DYNC2LI1: variants seen among roughly 807,000 people sequenced by gnomAD.
The protein encoded by DYNC2LI1 is cytoplasmic dynein 2 light intermediate chain 1.
In DYNC2LI1, 45 loss-of-function variants were observed where a neutral mutation model predicts 51.9. That is an observed-to-expected ratio of 0.87 (90% CI 0.68 to 1.11). DYNC2LI1 has a LOEUF of 1.11. Among genes scored for constraint, DYNC2LI1 ranks in the 50% most tolerant of loss-of-function variants. The pLI, the probability that DYNC2LI1 is intolerant of heterozygous loss-of-function variation, is 0.00. For synonymous variants in DYNC2LI1, 130 were observed against 137.8 expected (o/e 0.94, Z 0.40); for missense variants, 490 against 417.4 (o/e 1.17, Z -1.51).
intron 10 of DYNC2LI1, among the ~76,000 whole-genome samples, chr2:43,801,934 C>G (rs1204523920): frequency 1.3e-5 from 2 of 152,082 alleles, no homozygotes; most frequent in African/African-American, 4.8e-5. Flanking sequence ...TTTTTCATTT[C>G]TGATCTCTAT....
In DYNC2LI1 at chr2:43,783,503, T is replaced by C; in HGVS notation, c.127-17T>C. 6.5e-7 allele frequency: 1 copy of C among 1,528,854 alleles called. No individual in the cohort carries two copies. The highest frequency in any genetic ancestry group is 8.8e-7 in the Non-Finnish European group (1 of 1,140,906). 94.7% of individuals were successfully genotyped at this position (1,528,854 alleles called of 1,614,324 possible). ...TGAGTGACATTAACGCAGTGTTCCT[T>C]CTTTTTTAATTTCCAGGGAAAGACT... On this transcript the variant is annotated splice_polypyrimidine_tract_variant and intron_variant, in intron 2 of 12. Coordinates refer to ENST00000260605, the MANE Select transcript of DYNC2LI1 (RefSeq NM_016008.4).
At chr2:43,794,394 C>T in intron 5 of DYNC2LI1, 63 bp from the exon 6 acceptor site, 2 of 1,460,322 alleles carry the variant, frequency 1.4e-6, no homozygotes, top group South Asian at 1.3e-5. Flanking sequence ...AATTTCAGTA[C>T]ATTAGGATTT....
chr2:43,827,635 A>G, the DYNC2LI1 span, among the ~76,000 whole-genome samples: 1 of 152,192 alleles, frequency 6.6e-6, no homozygotes. Context: ...CTGTGGTCAT[A>G]TCAAAACTCA....
chr2:43,783,851 T>G (rs550996623), intron 3 of DYNC2LI1, among the ~76,000 whole-genome samples: 1 of 152,354 alleles, frequency 6.6e-6, no homozygotes, highest in East Asian at 1.9e-4. Context: ...GATATTTAAA[T>G]TATTTTTGTT....
the DYNC2LI1 span, among the ~76,000 whole-genome samples, chr2:43,825,681 C>T: frequency 6.6e-6 from 1 of 152,018 alleles, no homozygotes; most frequent in Admixed American, 6.6e-5. Flanking sequence ...GGCACAATCC[C>T]AGCTCTCTGC....
chr2:43,795,190 C>G (rs543617629), intron 6 of DYNC2LI1: 317 of 989,190 alleles, frequency 3.2e-4, no homozygotes, highest in Non-Finnish European at 3.7e-4. Flanking sequence ...CTGAGAGCAG[C>G]ATTTTATATT....
chr2:43,787,278 A>C, intron 4 of DYNC2LI1, 28 bp downstream of exon 4: 3 of 1,542,624 alleles, frequency 1.9e-6, no homozygotes, highest in Non-Finnish European at 2.7e-6. Flanking sequence ...TGACATTGCT[A>C]TGCCCATAGA....
At chr2:43,825,767 C>A in the DYNC2LI1 span, among the ~76,000 whole-genome samples, 1 of 152,062 alleles carries the variant, frequency 6.6e-6, no homozygotes, top group Non-Finnish European at 1.5e-5. Context: ...CCACCACGCC[C>A]AACTATCAAT....
chr2:43,778,079 C>G (rs968272189), intron 2 of DYNC2LI1, among the ~76,000 whole-genome samples: 2 of 152,098 alleles, frequency 1.3e-5, no homozygotes, highest in African/African-American at 4.8e-5. Context: ...AAAATTCAAA[C>G]TTAATTCTTT....
chr2:43,794,775 G>T, intron 6 of DYNC2LI1, 132 bp downstream of exon 6: 1 of 1,522,550 alleles, frequency 6.6e-7, no homozygotes, highest in South Asian at 1.3e-5. Context: ...CTGTTCACTG[G>T]AAAATTACAG....
At chr2:43,808,865 C>G (rs1251374382) in intron 12 of DYNC2LI1, among the ~76,000 whole-genome samples, 1 of 151,988 alleles carries the variant, frequency 6.6e-6, no homozygotes, top group African/African-American at 2.4e-5. Flanking sequence ...TCCAGTTGTG[C>G]TGAGACAGAG....
At chr2:43,802,349 T>C (rs963770564) in intron 10 of DYNC2LI1, among the ~76,000 whole-genome samples, 1 of 151,962 alleles carries the variant, frequency 6.6e-6, no homozygotes, top group African/African-American at 2.4e-5. Context: ...CGTAGTTTGC[T>C]TTTAAAACTC....
Position 43,809,941 on chromosome 2 carries a change from A to G in DYNC2LI1, c.*174A>G, listed in dbSNP as rs1666421412. 7.5e-6 allele frequency: 10 copies of G among 1,340,732 alleles called. No homozygotes were observed. Among genetic ancestry groups the G allele is most frequent in the Non-Finnish European group, 9.6e-6 (10 of 1,042,658 alleles). 83.1% of individuals were successfully genotyped at this position (1,340,732 alleles called of 1,614,324 possible). ...CCTGTATATCTTGAAGCTTTTTAAA[A>G]GGAAAAATTATTGTAGAACCACGTG... On this transcript the variant is annotated 3_prime_UTR_variant, in exon 13 of 13. Transcript: ENST00000260605.
intron 1 of DYNC2LI1, chr2:43,775,691 TC>T (rs1287711622): frequency 2.0e-5 from 8 of 392,562 alleles, no homozygotes; most frequent in East Asian, 8.9e-5. Flanking sequence ...TTTTTTATTT[TC>T]TTTTTTTTTT....
downstream of DYNC2LI1, among the ~76,000 whole-genome samples, chr2:43,814,238 T>C (rs1666674965): frequency 6.6e-6 from 1 of 152,200 alleles, no homozygotes; most frequent in South Asian, 2.1e-4. Context: ...ATAAGGTCTG[T>C]CATTTTCTAA....
chr2:43,796,654 A>G, intron 7 of DYNC2LI1, 64 bp from the exon 8 acceptor site: 4 of 1,194,356 alleles, frequency 3.3e-6, no homozygotes, highest in Non-Finnish European at 4.9e-6. Flanking sequence ...ACATTTAATA[A>G]TTTGAATCTT....
chr2:43,792,729 T>C, intron 5 of DYNC2LI1: 1 of 1,548,434 alleles, frequency 6.5e-7, no homozygotes, highest in Non-Finnish European at 8.7e-7. Flanking sequence ...ACCACTCCAG[T>C]ACCTCATATA....
the DYNC2LI1 span, chr2:43,824,917 A>G: frequency 1.2e-6 from 2 of 1,614,106 alleles, no homozygotes; most frequent in African/African-American, 1.3e-5. Context: ...TTGAATGTTC[A>G]GGACAAGGGT....
intron 1 of DYNC2LI1, chr2:43,775,806 G>C: frequency 3.7e-6 from 1 of 273,278 alleles, no homozygotes; most frequent in Non-Finnish European, 7.1e-6. Flanking sequence ...TCATGCCTCA[G>C]CCTCCTGAGT....
Sources: allele counts gnomAD v4.1 joint callset (sites outside exome capture counted in the v4.1 genomes callset), GRCh38; gene constraint gnomAD v4.1.1; transcripts MANE v1.5; gene names NCBI Gene and HGNC (gene_info 2026-07-23, HGNC 2026-07-21).